The following MYO18B variants were observed in gnomAD, a reference collection of about 807,000 sequenced individuals.
The protein encoded by MYO18B is unconventional myosin-XVIIIb.
In MYO18B, 204 loss-of-function variants were observed where a neutral mutation model predicts 273.0. The observed-to-expected ratio is 0.75, with a 90% CI of 0.67 to 0.84. The LOEUF (loss-of-function observed/expected upper bound fraction) is 0.84. Ranked by LOEUF, MYO18B falls within the 40% of genes least tolerant of loss-of-function variation. The pLI is 0.00. For synonymous variants in MYO18B, 1,330 were observed against 1,305.7 expected, an observed-to-expected ratio of 1.02 and a Z score of -0.40; for missense variants, 3,212 against 3,287.6, an observed-to-expected ratio of 0.98 and a Z score of 0.56.
chr22:25,821,134 A>G (rs1026815155), intron 12 of MYO18B, among the ~76,000 whole-genome samples: 4 of 152,198 alleles, frequency 2.6e-5, no homozygotes, highest in African/African-American at 9.7e-5. Context: ...TACAGTAAAC[A>G]TGGGGTACAG....
At chr22:25,766,880 AG>A (rs2086524895) in intron 3 of MYO18B, among the ~76,000 whole-genome samples, 2 of 152,236 alleles carry the variant, frequency 1.3e-5, no homozygotes, top group African/African-American at 4.8e-5. Context: ...AGCAAATTGA[AG>A]GGACAGCAGT....
intron 11 of MYO18B, among the ~76,000 whole-genome samples, chr22:25,795,414 G>A (rs1882634344): frequency 6.6e-6 from 1 of 152,092 alleles, no homozygotes; most frequent in Non-Finnish European, 1.5e-5. Context: ...GGACAAGGAA[G>A]AGAAAGGAGC....
intron 11 of MYO18B, among the ~76,000 whole-genome samples, chr22:25,796,824 G>A (rs373982614): frequency 7.9e-5 from 12 of 152,206 alleles, no homozygotes; most frequent in Non-Finnish European, 1.5e-5. Flanking sequence ...AATCATGACT[G>A]GAGTTTAAAG....
At chr22:25,909,894 C>A (rs2092122324) in intron 32 of MYO18B, among the ~76,000 whole-genome samples, 1 of 152,134 alleles carries the variant, frequency 6.6e-6, no homozygotes, top group African/African-American at 2.4e-5. Flanking sequence ...CTCCTCTAAA[C>A]AGCAACTAAT....
chr22:26,030,276 C>A (rs1936596160), intron 43 of MYO18B, among the ~76,000 whole-genome samples, 167 bp from the exon 44 acceptor site: 1 of 152,214 alleles, frequency 6.6e-6, no homozygotes, highest in Admixed American at 6.5e-5. Flanking sequence ...ACTTGGGAGG[C>A]TGAAGCAGGA....
intron 33 of MYO18B, among the ~76,000 whole-genome samples, chr22:25,915,963 G>C (rs2092255184): frequency 6.6e-6 from 1 of 152,192 alleles, no homozygotes; most frequent in Non-Finnish European, 1.5e-5. Flanking sequence ...AGTTCTTGCA[G>C]ATTAGATACA....
chr22:25,743,184 C>T (rs1001736338), intron 1 of MYO18B, among the ~76,000 whole-genome samples: 1 of 152,218 alleles, frequency 6.6e-6, no homozygotes, highest in African/African-American at 2.4e-5. Context: ...TCCTGTAGGG[C>T]CTGGAATACG....
At position 25,777,650 on chromosome 22, in the gene MYO18B, C is replaced by T. The variant is rs747405438; in HGVS notation, c.1937C>T (p.Ala646Val). Residue 646 changes from alanine to valine, a missense_variant, in exon 8 of 44, where the codon GCG (alanine) becomes GTG (valine). Ala to Val is a moderately conservative substitution (Grantham distance 64). Coordinates refer to ENST00000335473, the MANE Select transcript of MYO18B (RefSeq NM_032608.7). Reference protein sequence around the residue: ...IGSMAQRAYWALLNQRRDQSI... With the variant: ...IGSMAQRAYWVLLNQRRDQSI... ...TCCATGGCACAGCGGGCATACTGGGCGCTGCTGAACCAGCGGAGAGACCAG... is the reference window on the plus strand; with the variant it reads ...TCCATGGCACAGCGGGCATACTGGGTGCTGCTGAACCAGCGGAGAGACCAG... The T allele has an allele frequency of 3.0e-5, 49 of 1,612,256 alleles. No homozygotes were observed. The highest frequency in any genetic ancestry group is 1.7e-4 in the Middle Eastern group (1 of 6,032).
chr22:25,898,326 C>T lies in MYO18B; in HGVS notation c.4688C>T (p.Ala1563Val), dbSNP rs2091855910. The change falls in exon 29 of 44, where the codon GCT becomes GTT. Residue 1563 changes from alanine (A) to valine (V), a missense_variant. Coordinates refer to ENST00000335473, the MANE Select transcript of MYO18B (RefSeq NM_032608.7). ...LEQKLGELQS[A>V]YDGAKKMAHQ... ...TTACAGCTTGGGGAGTTGCAAAGTGCTTATGACGGGGCCAAGAAGATGGCT... is the reference window on the plus strand; with the variant it reads ...TTACAGCTTGGGGAGTTGCAAAGTGTTTATGACGGGGCCAAGAAGATGGCT... The T allele has an allele frequency of 6.2e-7, 1 of 1,613,638 alleles. No homozygotes were observed. Among genetic ancestry groups the T allele is most frequent in the Admixed American group, 1.7e-5 (1 of 59,992 alleles).
At chr22:25,819,443 G>C (rs1023240762) in intron 12 of MYO18B, among the ~76,000 whole-genome samples, 1 of 152,190 alleles carries the variant, frequency 6.6e-6, no homozygotes, top group Non-Finnish European at 1.5e-5. Flanking sequence ...CTCCTATTTA[G>C]TTCACTCTCA....
intron 26 of MYO18B, 66 bp downstream of exon 26, chr22:25,890,941 C>A (rs757874281): frequency 1.9e-6 from 3 of 1,562,522 alleles, no homozygotes; most frequent in African/African-American, 2.7e-5. Context: ...GTCTGCTCCC[C>A]GACCCTCTCA....
At chr22:25,742,522 G>A (rs2085657158) in intron 1 of MYO18B, among the ~76,000 whole-genome samples, 1 of 152,018 alleles carries the variant, frequency 6.6e-6, no homozygotes, top group South Asian at 2.1e-4. Flanking sequence ...CAAAATGCTG[G>A]GGCAAATGGA....
At chr22:26,003,336 C>T (rs1237889135) in intron 41 of MYO18B, 27 bp downstream of exon 41, 13 of 1,593,226 alleles carry the variant, frequency 8.2e-6, no homozygotes, top group Admixed American at 1.8e-5. Context: ...TAGAACTGAG[C>T]AGCTCACAAG....
intron 39 of MYO18B, among the ~76,000 whole-genome samples, chr22:25,990,208 G>A (rs1197091848): frequency 1.3e-5 from 2 of 152,182 alleles, no homozygotes; most frequent in Admixed American, 6.5e-5. Context: ...AAGCCAATGT[G>A]CAGAGAGCTG....
intron 31 of MYO18B, among the ~76,000 whole-genome samples, chr22:25,906,783 AAG>A (rs374984968): frequency 6.6e-6 from 1 of 152,182 alleles, no homozygotes; most frequent in African/African-American, 2.4e-5. Context: ...GGTGGCTGGC[AAG>A]AGAGAGTGTG....
At chr22:25,807,494 G>A (rs533599821) in intron 12 of MYO18B, among the ~76,000 whole-genome samples, 31 of 152,266 alleles carry the variant, frequency 2.0e-4, no homozygotes, top group African/African-American at 7.0e-4. Context: ...TTTGGCTTGG[G>A]GTCTCTCATG....
intron 6 of MYO18B, 39 bp downstream of exon 6, chr22:25,771,023 CTG>C: frequency 7.1e-7 from 1 of 1,404,276 alleles, no homozygotes; most frequent in Non-Finnish European, 9.9e-7. Flanking sequence ...CATGAGTCCC[CTG>C]TCCCACTTCA....
intron 12 of MYO18B, among the ~76,000 whole-genome samples, chr22:25,809,978 G>A (rs16980795): frequency 0.28 from 41,546 of 149,312 alleles, 6,037 homozygotes; most frequent in African/African-American, 0.35. Context: ...AATGGAAATA[G>A]TCCAGAAGAA....
At chr22:25,844,252 G>A (rs1211925496) in intron 18 of MYO18B, among the ~76,000 whole-genome samples, 2 of 152,156 alleles carry the variant, frequency 1.3e-5, no homozygotes, top group East Asian at 3.8e-4. Context: ...GAAATGATAC[G>A]TTTTGTAGCG....
Sources: allele counts gnomAD v4.1 joint callset (sites outside exome capture counted in the v4.1 genomes callset), GRCh38; gene constraint gnomAD v4.1.1; transcripts MANE v1.5; gene names NCBI Gene and HGNC (gene_info 2026-07-23, HGNC 2026-07-21).